The following PTPRQ variants were observed in gnomAD, a reference collection of about 807,000 sequenced individuals.
PTPRQ encodes protein tyrosine phosphatase receptor type Q.
A neutral mutation model predicts 246.0 loss-of-function variants in PTPRQ; 199 were observed. That is an observed-to-expected ratio of 0.81 (90% CI 0.72 to 0.91). The LOEUF (loss-of-function observed/expected upper bound fraction) is 0.91, where lower values mean the gene tolerates loss of function less well. Among genes scored for constraint, PTPRQ ranks in the 40% least tolerant of loss-of-function variants. The pLI, the probability that PTPRQ is intolerant of heterozygous loss-of-function variation, is 0.00. For synonymous variants in PTPRQ, 869 were observed against 853.2 expected, an observed-to-expected ratio of 1.02 and a Z score of -0.32; for missense variants, 2,624 against 2,528.4, an observed-to-expected ratio of 1.04 and a Z score of -0.81.
chr12:80,532,652 C>A (rs1297064448), intron 17 of PTPRQ, among the ~76,000 whole-genome samples: 1 of 152,070 alleles, frequency 6.6e-6, no homozygotes, highest in African/African-American at 2.4e-5. Flanking sequence ...CTAATAGCCA[C>A]AGTATCAAGA....
Position 80,652,619 on chromosome 12 carries a change from T to A in PTPRQ, c.6025-125T>A, listed in dbSNP as rs77062649. Reference sequence around the variant, plus strand: ...TGTTAACTTGACCTTGTTTCCACAGTTATGATAGGTGTTTTTAATTTAAAA... The same window carrying A: ...TGTTAACTTGACCTTGTTTCCACAGATATGATAGGTGTTTTTAATTTAAAA... On this transcript the variant is annotated intron_variant, in intron 37 of 44. Coordinates refer to ENST00000644991, the MANE Select transcript of PTPRQ (RefSeq NM_001145026.2). 6,004 of 930,314 alleles carry A rather than the reference T, an allele frequency of 6.5e-3. 253 individuals are homozygous for A. The African/African-American group carries it at 0.092, about 14-fold the overall frequency. 57.6% of individuals were successfully genotyped at this position (930,314 alleles called of 1,614,324 possible). A position where few individuals can be genotyped will look rare whatever the true frequency, so the allele number is the denominator to read the frequency against.
chr12:80,506,760 A>G, intron 16 of PTPRQ, 90 bp downstream of exon 16: 1 of 1,149,350 alleles, frequency 8.7e-7, no homozygotes, highest in Non-Finnish European at 1.2e-6. Flanking sequence ...AAACTCCTCT[A>G]GTCATGGGTA....
intron 25 of PTPRQ, among the ~76,000 whole-genome samples, chr12:80,551,909 C>A (rs558098880): frequency 6.6e-6 from 1 of 152,044 alleles, no homozygotes; most frequent in East Asian, 1.9e-4. Flanking sequence ...AACCATTTTT[C>A]ATCATCAGAT....
At chr12:80,477,923 C>A (rs11114472) in intron 8 of PTPRQ, among the ~76,000 whole-genome samples, 28,824 of 152,206 alleles carry the variant, frequency 0.19, 2,930 homozygotes, top group Middle Eastern at 0.23. Context: ...AGTCTGAGAT[C>A]AAACTGCAAG....
intron 17 of PTPRQ, among the ~76,000 whole-genome samples, chr12:80,520,459 A>G (rs776700131): frequency 2.4e-4 from 36 of 151,986 alleles, no homozygotes; most frequent in Admixed American, 7.2e-4. Context: ...TGCTGTACCC[A>G]TTAACTCACC....
chr12:80,445,004 A>G (rs1408644438), intron 2 of PTPRQ, among the ~76,000 whole-genome samples, 155 bp downstream of exon 2: 1 of 151,874 alleles, frequency 6.6e-6, no homozygotes, highest in Non-Finnish European at 1.5e-5. Flanking sequence ...TCTGCTTAGA[A>G]CCTGCATTCT....
intron 28 of PTPRQ, among the ~76,000 whole-genome samples, chr12:80,611,594 A>C (rs1238488805): frequency 6.7e-6 from 1 of 150,336 alleles, no homozygotes; most frequent in Non-Finnish European, 1.5e-5. Flanking sequence ...TGATGAATGT[A>C]CTCACATTTA....
intron 26 of PTPRQ, among the ~76,000 whole-genome samples, chr12:80,601,943 T>C (rs544195437): frequency 6.6e-6 from 1 of 151,890 alleles, no homozygotes; most frequent in African/African-American, 2.4e-5. Context: ...ATGTGTATGA[T>C]TCCTTGATAC....
chr12:80,632,325 T>G, intron 34 of PTPRQ, 34 bp downstream of exon 34: 1 of 1,550,826 alleles, frequency 6.4e-7, no homozygotes, highest in Non-Finnish European at 8.7e-7. Flanking sequence ...TCCAGGATGC[T>G]TTATGGGCAT....
intron 39 of PTPRQ, 80 bp downstream of exon 39, chr12:80,658,141 C>A: frequency 1.1e-6 from 1 of 919,326 alleles, no homozygotes; most frequent in Non-Finnish European, 1.5e-6. Context: ...TTACTTAAAA[C>A]AACAAATTTA....
intron 39 of PTPRQ, among the ~76,000 whole-genome samples, chr12:80,658,990 C>T (rs538612547): frequency 1.4e-4 from 21 of 152,016 alleles, no homozygotes; most frequent in Admixed American, 5.9e-4. Flanking sequence ...AGGAAAAAAA[C>T]GAATTAGTTC....
intron 9 of PTPRQ, 26 bp downstream of exon 9, chr12:80,484,631 G>T: frequency 6.5e-7 from 1 of 1,545,436 alleles, no homozygotes; most frequent in Non-Finnish European, 8.7e-7. Context: ...TTCACTTATT[G>T]GTGAACCCTT....
At chr12:80,574,229 G>C (rs762115165) in intron 25 of PTPRQ, among the ~76,000 whole-genome samples, 6 of 151,744 alleles carry the variant, frequency 4.0e-5, no homozygotes, top group Non-Finnish European at 7.4e-5. Flanking sequence ...TCTTTTATTC[G>C]TGGTTTGCAT....
intron 6 of PTPRQ, among the ~76,000 whole-genome samples, chr12:80,466,006 G>C (rs901998422): frequency 6.6e-5 from 10 of 152,212 alleles, no homozygotes; most frequent in African/African-American, 2.4e-4. Context: ...TTCTGGCCAG[G>C]GCAATTAGGC....
At chr12:80,639,704 CTG>C (rs1899786361) in intron 35 of PTPRQ, among the ~76,000 whole-genome samples, 1 of 152,148 alleles carries the variant, frequency 6.6e-6, no homozygotes, top group Non-Finnish European at 1.5e-5. Flanking sequence ...ACTTTGTAAA[CTG>C]TAAACCAGAA....
At chr12:80,506,305 G>A (rs1644601908) in intron 15 of PTPRQ, 99 bp downstream of exon 15, 2 of 1,282,646 alleles carry the variant, frequency 1.6e-6, no homozygotes, top group Non-Finnish European at 2.1e-6. Context: ...TTTTCATGCA[G>A]GGTATTACAA....
intron 26 of PTPRQ, among the ~76,000 whole-genome samples, chr12:80,589,352 G>T (rs1172095695): frequency 6.6e-6 from 1 of 152,092 alleles, no homozygotes; most frequent in Admixed American, 6.5e-5. Flanking sequence ...TTTCAGGTTT[G>T]CCAGGCCACC....
intron 23 of PTPRQ, among the ~76,000 whole-genome samples, chr12:80,543,648 G>A (rs377132549): frequency 6.6e-6 from 1 of 152,178 alleles, no homozygotes; most frequent in African/African-American, 2.4e-5. Context: ...TACAATTTAT[G>A]ACTATGGTAA....
intron 35 of PTPRQ, among the ~76,000 whole-genome samples, chr12:80,648,626 C>T (rs769225846): frequency 4.0e-5 from 6 of 151,814 alleles, no homozygotes; most frequent in African/African-American, 7.3e-5. Context: ...TCCTAAATGC[C>T]TAACATTTTT....
Sources: allele counts gnomAD v4.1 joint callset (sites outside exome capture counted in the v4.1 genomes callset), GRCh38; gene constraint gnomAD v4.1.1; transcripts MANE v1.5; gene names NCBI Gene and HGNC (gene_info 2026-07-23, HGNC 2026-07-21).